Variants in TLE4 observed in about 807,000 individuals in gnomAD.
TLE4 encodes TLE family member 4, transcriptional corepressor.
A neutral mutation model predicts 92.8 loss-of-function variants in TLE4; 8 were observed. That is an observed-to-expected ratio of 0.09 (90% CI 0.05 to 0.16). TLE4 has a LOEUF of 0.16. TLE4 is among the 10% of genes least tolerant of loss of function. TLE4 has a pLI of 1.00. For missense variants in TLE4, 675 were observed against 997.6 expected (o/e 0.68, Z 4.36); for synonymous variants, 371 against 374.1 (o/e 0.99, Z 0.10).
At chr9:79,656,554 T>C (rs1271755476) in intron 8 of TLE4, among the ~76,000 whole-genome samples, 1 of 152,196 alleles carries the variant, frequency 6.6e-6, no homozygotes, top group Non-Finnish European at 1.5e-5. Context: ...CTGAAATTTT[T>C]TATAGCTCCT....
chr9:79,623,203 A>AT (rs947031383), intron 5 of TLE4, among the ~76,000 whole-genome samples: 26 of 150,454 alleles, frequency 1.7e-4, no homozygotes, highest in East Asian at 5.9e-4. Context: ...TTTTATTATT[A>AT]TTTTTTTTTA....
At chr9:79,647,334 A>G (rs1335502926) in intron 6 of TLE4, among the ~76,000 whole-genome samples, 1 of 151,348 alleles carries the variant, frequency 6.6e-6, no homozygotes, top group Non-Finnish European at 1.5e-5. Flanking sequence ...TTCATTAATT[A>G]GTTCAGGGAA....
chr9:79,663,442 C>G (rs186557755), intron 8 of TLE4: 2 of 152,312 alleles, frequency 1.3e-5, no homozygotes, highest in East Asian at 3.9e-4. Flanking sequence ...ACTGCCAAAA[C>G]GGCAGAGATA....
intron 8 of TLE4, among the ~76,000 whole-genome samples, chr9:79,701,671 A>G (rs938357213): frequency 2.6e-5 from 4 of 152,210 alleles, no homozygotes; most frequent in Admixed American, 6.5e-5. Flanking sequence ...TTCCAAGGGC[A>G]CCACAACACA....
chr9:79,601,290 A>G, intron 4 of TLE4: 1 of 437,236 alleles, frequency 2.3e-6, no homozygotes, highest in South Asian at 1.6e-5. Flanking sequence ...ATGGGAAACT[A>G]AATAAACCAT....
intron 4 of TLE4, among the ~76,000 whole-genome samples, chr9:79,599,412 G>T (rs548499811): frequency 6.6e-6 from 1 of 152,250 alleles, no homozygotes; most frequent in East Asian, 1.9e-4. Context: ...GAGTTAATTC[G>T]TCTGGAGTGA....
chr9:79,715,384 A>G (rs1012669194), intron 14 of TLE4, among the ~76,000 whole-genome samples: 5 of 152,068 alleles, frequency 3.3e-5, no homozygotes, highest in African/African-American at 1.2e-4. Flanking sequence ...TCAGAACCTC[A>G]GCCTTTCACA....
At chr9:79,710,081 G>A (rs1316741258) in intron 14 of TLE4, among the ~76,000 whole-genome samples, 1 of 152,122 alleles carries the variant, frequency 6.6e-6, no homozygotes, top group Non-Finnish European at 1.5e-5. Flanking sequence ...AGGAAATAAG[G>A]GCACTCTTAT....
intron 8 of TLE4, among the ~76,000 whole-genome samples, chr9:79,702,422 G>A (rs571359069): frequency 3.9e-5 from 6 of 152,190 alleles, no homozygotes; most frequent in African/African-American, 1.4e-4. Context: ...ATGATTGCAT[G>A]CATGGTTTCA....
intron 6 of TLE4, among the ~76,000 whole-genome samples, chr9:79,640,736 T>C (rs1047038541): frequency 6.6e-6 from 1 of 152,162 alleles, no homozygotes; most frequent in Non-Finnish European, 1.5e-5. Context: ...ATTATTTTCT[T>C]GTTTGAACCC....
intron 8 of TLE4, among the ~76,000 whole-genome samples, chr9:79,660,854 C>T (rs142118115): frequency 2.4e-4 from 37 of 152,256 alleles, no homozygotes; most frequent in Non-Finnish European, 5.0e-4. Context: ...CGGGGAGACA[C>T]GCTTGTTTTG....
chr9:79,693,171 G>A lies in TLE4; in HGVS notation c.610-11612G>A, dbSNP rs188964197. ...AGAATAGCTATTCAACTTATGTCAC[G>A]GGATTCTTCTGGTATTACAACGTGA... On this transcript the variant is annotated intron_variant, in intron 8 of 19. Transcript: ENST00000376552. Among the ~76,000 whole-genome samples, 8 of 152,186 alleles carry A rather than the reference G, an allele frequency of 5.3e-5. No individual in the cohort carries two copies. In the East Asian group the frequency reaches 5.8e-4, roughly 11 times the overall value.
intron 8 of TLE4, among the ~76,000 whole-genome samples, chr9:79,698,478 T>C (rs1304880729): frequency 6.6e-6 from 1 of 152,236 alleles, no homozygotes; most frequent in African/African-American, 2.4e-5. Flanking sequence ...ATGGAGATTA[T>C]ATTAAATCTT....
intron 11 of TLE4, among the ~76,000 whole-genome samples, chr9:79,707,855 C>T (rs751959621): frequency 1.3e-5 from 2 of 152,180 alleles, no homozygotes; most frequent in Non-Finnish European, 2.9e-5. Context: ...TTGTGAGCCT[C>T]ATCTGACTCA....
intron 4 of TLE4, among the ~76,000 whole-genome samples, chr9:79,608,472 G>C (rs1444464370): frequency 1.3e-5 from 2 of 152,044 alleles, no homozygotes; most frequent in Non-Finnish European, 2.9e-5. Context: ...TTCAGGCAGG[G>C]TAAGTAGGAC....
At chr9:79,671,348 G>A (rs565721327) in intron 8 of TLE4, 9 of 446,388 alleles carry the variant, frequency 2.0e-5, no homozygotes, top group South Asian at 1.4e-4. Context: ...GGTAGGAAAA[G>A]CTAATAACTA....
intron 8 of TLE4, among the ~76,000 whole-genome samples, chr9:79,680,054 G>A (rs921156084): frequency 2.6e-5 from 4 of 152,192 alleles, no homozygotes; most frequent in African/African-American, 9.7e-5. Flanking sequence ...GTAGCGTGAT[G>A]CCTCCGGCTT....
intron 4 of TLE4, among the ~76,000 whole-genome samples, chr9:79,603,535 A>G (rs980827633): frequency 5.3e-5 from 8 of 152,076 alleles, no homozygotes; most frequent in African/African-American, 1.7e-4. Flanking sequence ...TTTAAGACAT[A>G]ATGCTACTTC....
intron 4 of TLE4, among the ~76,000 whole-genome samples, chr9:79,598,383 T>C (rs1029718520): frequency 6.6e-6 from 1 of 152,186 alleles, no homozygotes; most frequent in African/African-American, 2.4e-5. Flanking sequence ...CACCTTGTGC[T>C]GATACTACCC....
Sources: gnomAD v4.1 joint callset for allele counts (sites outside exome capture counted in the v4.1 genomes callset) on GRCh38, gnomAD v4.1.1 for gene constraint, MANE v1.5 for transcripts, NCBI Gene and HGNC (gene_info 2026-07-23, HGNC 2026-07-21) for gene names.